The following TMEM135 variants were observed in gnomAD, a reference collection of about 807,000 sequenced individuals.
TMEM135 encodes transmembrane protein 135.
TMEM135 carries 30 observed loss-of-function variants against 60.3 expected under a neutral mutation model. The ratio of observed to expected loss-of-function variants is 0.50; its 90% CI spans 0.37 to 0.68. The LOEUF (loss-of-function observed/expected upper bound fraction) is 0.68, where lower values mean the gene tolerates loss of function less well. Ranked by LOEUF, TMEM135 falls within the 30% of genes least tolerant of loss-of-function variation. The pLI is 0.00. For missense variants in TMEM135, 468 were observed against 548.8 expected (o/e 0.85, Z 1.47); for synonymous variants, 190 against 186.7 (o/e 1.02, Z -0.14).
Position 87,291,515 on chromosome 11 carries a change from ATTTTTTTTTTTTTTTTTTTTTT to A in TMEM135, c.510-4254_510-4233del, listed in dbSNP as rs869273724. 3.6e-4 allele frequency among the ~76,000 whole-genome samples: 18 copies of A among 50,540 alleles called. No homozygotes were observed. The Admixed American group carries it at 3.8e-3, about 11-fold the overall frequency. 33.2% of individuals were successfully genotyped at this position (50,540 alleles called of 152,430 possible). On this transcript the variant is annotated intron_variant, in intron 6 of 14. Coordinates refer to ENST00000305494, the MANE Select transcript of TMEM135 (RefSeq NM_022918.4). Reference sequence around the variant, plus strand: ...TGTAAGTCTATCCAGCAGCCAAGTGATTTTTTTTTTTTTTTTTTTTTTTTTTTTTTTTTTGAGACAGAGTCTC... The same window carrying A: ...TGTAAGTCTATCCAGCAGCCAAGTGATTTTTTTTTTTTGAGACAGAGTCTC...
chr11:87,252,229 A>G (rs1941432096), intron 6 of TMEM135, among the ~76,000 whole-genome samples: 2 of 152,166 alleles, frequency 1.3e-5, no homozygotes, highest in African/African-American at 4.8e-5. Flanking sequence ...GACGAGATTG[A>G]TAAATTGGGG....
intron 4 of TMEM135, among the ~76,000 whole-genome samples, chr11:87,123,177 T>G (rs944077350): frequency 2.0e-5 from 3 of 152,226 alleles, no homozygotes; most frequent in Admixed American, 6.5e-5. Context: ...TGTAACAAAT[T>G]ATCACAAACG....
chr11:87,284,562 C>CT (rs1320616668), intron 6 of TMEM135, among the ~76,000 whole-genome samples: 8 of 152,228 alleles, frequency 5.3e-5, no homozygotes, highest in Admixed American at 1.3e-4. Context: ...TTACCCATAA[C>CT]TGCGGCCTGC....
intron 6 of TMEM135, among the ~76,000 whole-genome samples, chr11:87,260,137 G>A (rs1941620405): frequency 6.6e-6 from 1 of 152,134 alleles, no homozygotes; most frequent in African/African-American, 2.4e-5. Flanking sequence ...TTCAGAACAA[G>A]AATAATATTA....
intron 6 of TMEM135, among the ~76,000 whole-genome samples, chr11:87,295,005 C>T (rs963451169): frequency 5.9e-5 from 9 of 152,090 alleles, no homozygotes; most frequent in Admixed American, 4.6e-4. Context: ...CAGACAATCC[C>T]CTCCAGCCCC....
chr11:87,287,096 CATGT>C (rs1293206823), intron 6 of TMEM135, among the ~76,000 whole-genome samples: 2 of 152,172 alleles, frequency 1.3e-5, no homozygotes, highest in Non-Finnish European at 1.5e-5. Flanking sequence ...TGTGCTTTAG[CATGT>C]ATGTAACACT....
intron 4 of TMEM135, among the ~76,000 whole-genome samples, chr11:87,134,333 C>A (rs1013661896): frequency 4.6e-5 from 7 of 152,130 alleles, no homozygotes; most frequent in Admixed American, 4.6e-4. Context: ...ACTTAATTAC[C>A]TCCTTAAAGA....
chr11:87,274,652 A>T (rs1334126446), intron 6 of TMEM135, among the ~76,000 whole-genome samples: 1 of 152,076 alleles, frequency 6.6e-6, no homozygotes, highest in African/African-American at 2.4e-5. Context: ...CATATTAAAG[A>T]AGATTAAACA....
Position 87,318,162 on chromosome 11 carries a change from CA to C in TMEM135, c.1104del (p.Lys370ArgfsTer31). The C allele has an allele frequency of 6.2e-7, 1 of 1,612,764 alleles. No homozygotes were observed. The highest frequency in any genetic ancestry group is 8.5e-7 in the Non-Finnish European group (1 of 1,179,580). ...ACAATGTATTTCAAAGGCATTGAAGCAGGGAAGGTTCCCTATTTTCCTCATG... is the reference window on the plus strand; with the variant it reads ...ACAATGTATTTCAAAGGCATTGAAGCGGGAAGGTTCCCTATTTTCCTCATG... ...VETMYFKGIE[A>X]GKVPYFPHAD... On this transcript the variant is annotated frameshift_variant, in exon 13 of 15. Coordinates refer to ENST00000305494, the MANE Select transcript of TMEM135 (RefSeq NM_022918.4). LOFTEE classifies it high-confidence loss of function.
chr11:87,119,129 A>C (rs574925581), intron 4 of TMEM135, among the ~76,000 whole-genome samples: 1 of 152,202 alleles, frequency 6.6e-6, no homozygotes, highest in African/African-American at 2.4e-5. Flanking sequence ...GGCTTTCAAC[A>C]TGCTTTCCTC....
At chr11:87,212,645 A>T (rs1940398786) in intron 5 of TMEM135, among the ~76,000 whole-genome samples, 1 of 151,906 alleles carries the variant, frequency 6.6e-6, no homozygotes, top group African/African-American at 2.4e-5. Context: ...AACACCGCAA[A>T]ACCCTGTCTG....
intron 5 of TMEM135, among the ~76,000 whole-genome samples, chr11:87,216,883 T>C (rs1277732065): frequency 6.6e-6 from 1 of 152,150 alleles, no homozygotes; most frequent in African/African-American, 2.4e-5. Context: ...AGAGCATCAA[T>C]TACACAAGAA....
chr11:87,240,114 T>C (rs913233888), intron 6 of TMEM135, among the ~76,000 whole-genome samples: 1 of 152,096 alleles, frequency 6.6e-6, no homozygotes, highest in African/African-American at 2.4e-5. Flanking sequence ...ACTTCTGTTC[T>C]GGTCAGCTGG....
At chr11:87,148,806 T>A (rs1938480766) in intron 4 of TMEM135, among the ~76,000 whole-genome samples, 2 of 152,176 alleles carry the variant, frequency 1.3e-5, no homozygotes, top group Admixed American at 1.3e-4. Flanking sequence ...AGACTAGACC[T>A]TTCAACATTT....
intron 5 of TMEM135, among the ~76,000 whole-genome samples, chr11:87,167,890 G>A (rs1273390657): frequency 6.6e-6 from 1 of 152,154 alleles, no homozygotes; most frequent in Admixed American, 6.6e-5. Context: ...AATAGTACGA[G>A]CTCCTCTTTG....
At chr11:87,240,172 A>G (rs1166771805) in intron 6 of TMEM135, among the ~76,000 whole-genome samples, 1 of 152,190 alleles carries the variant, frequency 6.6e-6, no homozygotes, top group African/African-American at 2.4e-5. Flanking sequence ...TGATACCCAT[A>G]CATGCTATGG....
intron 1 of TMEM135, among the ~76,000 whole-genome samples, chr11:87,059,890 C>G (rs1404667835): frequency 6.6e-6 from 1 of 152,180 alleles, no homozygotes; most frequent in Admixed American, 6.6e-5. Flanking sequence ...CCAAAGCAGA[C>G]AGATCACGAG....
chr11:87,210,689 G>C (rs1014858940), intron 5 of TMEM135, among the ~76,000 whole-genome samples: 1 of 151,726 alleles, frequency 6.6e-6, no homozygotes, highest in African/African-American at 2.4e-5. Context: ...TTCTGAGAGA[G>C]CAACAAAAAA....
chr11:87,063,910 A>C (rs1003743271), intron 1 of TMEM135, among the ~76,000 whole-genome samples: 1 of 152,228 alleles, frequency 6.6e-6, no homozygotes, highest in African/African-American at 2.4e-5. Flanking sequence ...TAATGCTATA[A>C]ATATGTCTTT....
Sources: allele counts gnomAD v4.1 joint callset (sites outside exome capture counted in the v4.1 genomes callset), GRCh38; gene constraint gnomAD v4.1.1; transcripts MANE v1.5; gene names NCBI Gene and HGNC (gene_info 2026-07-23, HGNC 2026-07-21).